Variants in CNTNAP3 observed in about 807,000 individuals in gnomAD.
CNTNAP3 encodes the protein contactin associated protein family member 3.
CNTNAP3 carries 36 observed loss-of-function variants against 92.1 expected under a neutral mutation model. The observed-to-expected ratio is 0.39, with a 90% CI of 0.30 to 0.52. CNTNAP3 has a LOEUF of 0.52. Ranked by LOEUF, CNTNAP3 falls within the 20% of genes least tolerant of loss-of-function variation. The probability of loss-of-function intolerance (pLI) is 0.76; values close to 1 mark genes in which losing one functional copy is unlikely to be tolerated. For synonymous variants in CNTNAP3, 232 were observed against 422.3 expected (o/e 0.55, Z 5.53); for missense variants, 534 against 1,069.6 (o/e 0.50, Z 6.98).
rs1024371516 is a variant in CNTNAP3, at chr9:39,076,955, C to G, written c.3745+1430G>C. 2.1e-3 allele frequency among the ~76,000 whole-genome samples: 19 copies of G among 8,872 alleles called. No individual in the cohort carries two copies. The East Asian group carries it at 0.057, about 27-fold the overall frequency. 5.8% of individuals were successfully genotyped at this position (8,872 alleles called of 152,430 possible). A position where few individuals can be genotyped will look rare whatever the true frequency, so the allele number is the denominator to read the frequency against. On this transcript the variant is annotated intron_variant, in intron 23 of 23. Coordinates refer to ENST00000297668, the MANE Select transcript of CNTNAP3 (RefSeq NM_033655.5). The stretch of plus-strand genomic sequence containing the variant: ...CTTTGCGACGAGCGAGACTCCCTCT[C>G]AAACAAACAAAGATTTCAATAATTC...
intron 21 of CNTNAP3, chr9:39,085,135 C>A: frequency 7.3e-6 from 1 of 137,160 alleles, no homozygotes; most frequent in Non-Finnish European, 1.5e-5. Flanking sequence ...AAATGTAAAG[C>A]TAACTGTGCT....
At chr9:39,138,375 T>C (rs978953441) in intron 12 of CNTNAP3, among the ~76,000 whole-genome samples, 1 of 152,106 alleles carries the variant, frequency 6.6e-6, no homozygotes, top group African/African-American at 2.4e-5. Flanking sequence ...CTCCCTCCCA[T>C]CACCACCCTT....
At position 39,119,194 on chromosome 9, in the gene CNTNAP3, G is replaced by T. The variant is rs1462646289; in HGVS notation, c.2081-935C>A. On this transcript the variant is annotated intron_variant, in intron 13 of 23. Coordinates refer to ENST00000297668, the MANE Select transcript of CNTNAP3 (RefSeq NM_033655.5). ...TTTTAAAGATGCTTGATCATGTGGT[G>T]CTGTTTTTCAAATTTCAATAGGTTG... Among the ~76,000 whole-genome samples the T allele has an allele frequency of 3.9e-5, 6 of 152,150 alleles. No individual in the cohort carries two copies. The East Asian group carries it at 7.7e-4, about 20-fold the overall frequency.
Position 39,109,225 on chromosome 9 carries a change from G to A in CNTNAP3, c.2300C>T (p.Thr767Ile). 6.2e-7 allele frequency: 1 copy of A among 1,612,912 alleles called. No individual in the cohort carries two copies. The highest frequency in any genetic ancestry group is 8.5e-7 in the Non-Finnish European group (1 of 1,179,808). ...EHLPVTQIVM[T>I]DAGRPHSEAA... ...TTCGGAATGTGGTCGGCCTGCGTCT[G>A]TCATCACAATCTGAGTGACTGGCAG... Residue 767 changes from threonine (T) to isoleucine (I), a missense_variant, in exon 15 of 24, where the codon ACA becomes ATA. Transcript: ENST00000297668.
At chr9:39,119,245 C>G (rs963100877) in intron 13 of CNTNAP3, among the ~76,000 whole-genome samples, 2 of 151,472 alleles carry the variant, frequency 1.3e-5, no homozygotes, top group Admixed American at 1.3e-4. Flanking sequence ...GAATTGAGAT[C>G]TGGAACTTAG....
At chr9:39,085,542 C>T in intron 21 of CNTNAP3, 194 bp downstream of exon 21, 1 of 589,168 alleles carries the variant, frequency 1.7e-6, no homozygotes. Context: ...TCCAGGAACG[C>T]CCTTGCACAT....
chr9:39,217,400 A>ATT lies in CNTNAP3; in HGVS notation c.390+21591_390+21592dup, dbSNP rs1554653680. Among the ~76,000 whole-genome samples, 19 of 19,938 alleles carry ATT rather than the reference A, an allele frequency of 9.5e-4. 3 individuals carry two copies. Among genetic ancestry groups the ATT allele is most frequent in the African/African-American group, 1.6e-3 (19 of 12,246 alleles). 13.1% of individuals were successfully genotyped at this position (19,938 alleles called of 152,430 possible). ...TATATATATATATATATATATATAT[A>ATT]TTCATTGTGGGAATTTCAAATGGGA... On this transcript the variant is annotated intron_variant, in intron 3 of 23. Transcript: ENST00000297668.
intron 13 of CNTNAP3, among the ~76,000 whole-genome samples, chr9:39,121,373 TA>T (rs1180934150): frequency 6.6e-6 from 1 of 152,026 alleles, no homozygotes; most frequent in African/African-American, 2.4e-5. Context: ...AATACACCCT[TA>T]AAAAAATGAG....
chr9:39,111,161 C>T (rs1248028130), intron 14 of CNTNAP3, among the ~76,000 whole-genome samples: 1 of 152,160 alleles, frequency 6.6e-6, no homozygotes, highest in Non-Finnish European at 1.5e-5. Flanking sequence ...TCACTTTGAG[C>T]AGTTATCCTC....
intron 13 of CNTNAP3, among the ~76,000 whole-genome samples, chr9:39,125,252 G>C (rs138875467): frequency 0.016 from 2,383 of 151,934 alleles, 58 homozygotes; most frequent in African/African-American, 0.053. Flanking sequence ...GCAAACTACC[G>C]CAAGGACAAA....
intron 14 of CNTNAP3, 58 bp downstream of exon 14, chr9:39,118,045 A>G: frequency 1.3e-6 from 2 of 1,585,812 alleles, no homozygotes; most frequent in Non-Finnish European, 1.7e-6. Flanking sequence ...TTAATTAACT[A>G]TGCATAATTA....
intron 11 of CNTNAP3, among the ~76,000 whole-genome samples, chr9:39,143,402 G>A (rs1194872343): frequency 6.6e-6 from 1 of 152,102 alleles, no homozygotes; most frequent in Admixed American, 6.5e-5. Context: ...GGCTGTGGGT[G>A]CTGCTGGTGC....
rs1476338933 is a variant in CNTNAP3 at position 39,077,587 on chromosome 9, CAAACA to C, written c.3745+793_3745+797del. Among the ~76,000 whole-genome samples the C allele has an allele frequency of 2.2e-3, 239 of 108,030 alleles. 1 individual carries two copies. Among genetic ancestry groups the C allele is most frequent in the African/African-American group, 9.2e-3 (232 of 25,160 alleles). The allele number at this position is 108,030 out of a possible 152,430, so 70.9% of individuals were successfully genotyped here. A position where few individuals can be genotyped will look rare whatever the true frequency, so the allele number is the denominator to read the frequency against. On this transcript the variant is annotated intron_variant, in intron 23 of 23. Transcript: ENST00000297668. ...ACAAACAAACAAACAAACAAACAAA[CAAACA>C]AAAAACTTCTTAAATAAGTGAAACA...
At chr9:39,084,337 C>T (rs10974134) in intron 21 of CNTNAP3, among the ~76,000 whole-genome samples, 33,888 of 151,146 alleles carry the variant, frequency 0.22, 4,008 homozygotes, top group East Asian at 0.36. Flanking sequence ...GGACTACAGG[C>T]GCCCGCCACC....
At chr9:39,133,373 T>C (rs1821351368) in intron 12 of CNTNAP3, among the ~76,000 whole-genome samples, 1 of 152,164 alleles carries the variant, frequency 6.6e-6, no homozygotes, top group Non-Finnish European at 1.5e-5. Flanking sequence ...CGCCTAAAAG[T>C]GTATCATGTA....
At chr9:39,147,477 A>G (rs1821730476) in intron 10 of CNTNAP3, among the ~76,000 whole-genome samples, 1 of 152,208 alleles carries the variant, frequency 6.6e-6, no homozygotes, top group Non-Finnish European at 1.5e-5. Context: ...GGTTTTCAAA[A>G]TAATCTCAGA....
At chr9:39,112,989 C>A (rs1820745014) in intron 14 of CNTNAP3, among the ~76,000 whole-genome samples, 1 of 152,102 alleles carries the variant, frequency 6.6e-6, no homozygotes, top group African/African-American at 2.4e-5. Context: ...AAATTACAGA[C>A]TAATTTGATG....
chr9:39,130,313 A>T (rs2118033156), intron 13 of CNTNAP3, among the ~76,000 whole-genome samples: 1 of 152,158 alleles, frequency 6.6e-6, no homozygotes, highest in African/African-American at 2.4e-5. Flanking sequence ...AATGAAAAGG[A>T]ACAAATTACT....
chr9:39,089,418 A>T (rs1286434932), intron 18 of CNTNAP3, among the ~76,000 whole-genome samples: 2 of 152,176 alleles, frequency 1.3e-5, no homozygotes, highest in East Asian at 3.8e-4. Flanking sequence ...ATTTCATTGG[A>T]TGTAAATAGT....
Sources: allele counts gnomAD v4.1 joint callset (sites outside exome capture counted in the v4.1 genomes callset), GRCh38; gene constraint gnomAD v4.1.1; transcripts MANE v1.5; gene names NCBI Gene and HGNC (gene_info 2026-07-23, HGNC 2026-07-21).